Variants in RTKN2 observed in about 807,000 individuals in gnomAD.
The protein encoded by RTKN2 is rhotekin-2.
RTKN2 carries 69 observed loss-of-function variants against 71.5 expected under a neutral mutation model. That is an observed-to-expected ratio of 0.96 (90% CI 0.79 to 1.18). The LOEUF (loss-of-function observed/expected upper bound fraction) is 1.18. Ranked by LOEUF, RTKN2 falls within the 50% of genes most tolerant of loss-of-function variation. The probability of loss-of-function intolerance (pLI) is 0.00; values close to 1 mark genes in which losing one functional copy is unlikely to be tolerated. For missense variants in RTKN2, 724 were observed against 719.7 expected (o/e 1.01, Z -0.07); for synonymous variants, 236 against 236.5 (o/e 1.00, Z 0.02).
chr10:62,265,183 A>G (rs1262651451), intron 1 of RTKN2, among the ~76,000 whole-genome samples: 7 of 152,202 alleles, frequency 4.6e-5, no homozygotes, highest in Admixed American at 3.3e-4. Context: ...GGTGTATCTA[A>G]CAGATACTAC....
intron 2 of RTKN2, among the ~76,000 whole-genome samples, chr10:62,254,427 G>C (rs1273468228): frequency 6.6e-6 from 1 of 152,134 alleles, no homozygotes; most frequent in Admixed American, 6.6e-5. Context: ...TTCCTGTATA[G>C]CATGCAGAAC....
At chr10:62,261,918 A>G (rs569987495) in intron 2 of RTKN2, among the ~76,000 whole-genome samples, 30 of 152,332 alleles carry the variant, frequency 2.0e-4, no homozygotes, top group Non-Finnish European at 1.5e-4. Context: ...GTTTTTATTT[A>G]AAATACACCA....
chr10:62,231,724 T>C (rs182357239), intron 6 of RTKN2, among the ~76,000 whole-genome samples: 4 of 152,268 alleles, frequency 2.6e-5, no homozygotes. Flanking sequence ...GTCTAAAAAA[T>C]GCACTCTTGT....
chr10:62,217,706 T>G (rs776469226), intron 8 of RTKN2, among the ~76,000 whole-genome samples: 21 of 152,196 alleles, frequency 1.4e-4, no homozygotes, highest in South Asian at 4.1e-4. Context: ...TTCCTCCTAA[T>G]GGAATCTTTT....
chr10:62,256,264 C>G (rs1438718251), intron 2 of RTKN2, among the ~76,000 whole-genome samples: 1 of 152,128 alleles, frequency 6.6e-6, no homozygotes, highest in Non-Finnish European at 1.5e-5. Context: ...CTACAGCCAT[C>G]CTCCCACCTC....
At chr10:62,211,623 T>G (rs1429522631) in intron 9 of RTKN2, among the ~76,000 whole-genome samples, 1 of 152,182 alleles carries the variant, frequency 6.6e-6, no homozygotes, top group Non-Finnish European at 1.5e-5. Context: ...TTAAAGATCT[T>G]AGAGACCATT....
At chr10:62,203,513 T>G (rs1281899653) in intron 10 of RTKN2, among the ~76,000 whole-genome samples, 1 of 151,978 alleles carries the variant, frequency 6.6e-6, no homozygotes, top group African/African-American at 2.4e-5. Flanking sequence ...CCTGGCTAAT[T>G]TTTGTATTTT....
At chr10:62,231,584 T>C (rs1842148763) in intron 6 of RTKN2, among the ~76,000 whole-genome samples, 1 of 152,220 alleles carries the variant, frequency 6.6e-6, no homozygotes, top group Non-Finnish European at 1.5e-5. Context: ...TCATTCCTTT[T>C]AGCCAACCCT....
At chr10:62,201,946 T>A (rs1431098197) in intron 10 of RTKN2, among the ~76,000 whole-genome samples, 2 of 152,212 alleles carry the variant, frequency 1.3e-5, no homozygotes, top group African/African-American at 4.8e-5. Context: ...TAACAATTTA[T>A]ATATTGAAGA....
chr10:62,211,911 G>A (rs556626008), intron 9 of RTKN2, among the ~76,000 whole-genome samples: 2 of 152,112 alleles, frequency 1.3e-5, no homozygotes, highest in East Asian at 1.9e-4. Context: ...TGATCCGCCC[G>A]TGCTGACCTC....
chr10:62,263,309 G>A (rs1419253262), intron 1 of RTKN2, among the ~76,000 whole-genome samples: 1 of 152,098 alleles, frequency 6.6e-6, no homozygotes. Flanking sequence ...ATGTCTATAA[G>A]CCAAAAAAAT....
At chr10:62,190,420 A>C (rs1038921647), downstream of RTKN2, among the ~76,000 whole-genome samples, 3 of 152,160 alleles carry the variant, frequency 2.0e-5, no homozygotes, top group Non-Finnish European at 2.9e-5. Flanking sequence ...GGGGATTGTT[A>C]AAATACTACC....
chr10:62,262,592 C>T (rs1400615408), intron 2 of RTKN2, 33 bp downstream of exon 2: 2 of 1,396,984 alleles, frequency 1.4e-6, no homozygotes, highest in Non-Finnish European at 2.0e-6. Context: ...TATTTAAGTA[C>T]ATTAAAAGCC....
intron 2 of RTKN2, among the ~76,000 whole-genome samples, chr10:62,248,917 G>A (rs992989363): frequency 1.3e-5 from 2 of 152,126 alleles, no homozygotes; most frequent in Non-Finnish European, 2.9e-5. Flanking sequence ...CTAAATGGGA[G>A]TCTATTATTT....
chr10:62,262,487 T>C (rs1842790588), intron 2 of RTKN2, 138 bp downstream of exon 2: 2 of 571,644 alleles, frequency 3.5e-6, no homozygotes, highest in South Asian at 2.8e-5. Context: ...CTGTTTATGA[T>C]GTCAGCTGCT....
At chr10:62,255,941 G>A (rs1038167010) in intron 2 of RTKN2, among the ~76,000 whole-genome samples, 4 of 151,804 alleles carry the variant, frequency 2.6e-5, no homozygotes, top group Non-Finnish European at 5.9e-5. Flanking sequence ...ATGAGAAAAG[G>A]TTCAATGATA....
chr10:62,195,096 A>G lies in RTKN2; in HGVS notation c.*2812T>C. Reference sequence around the variant, plus strand: ...TACCACTTAGTAGCAATTAAAAATAATACTATCTTAATGCTGACTACGTAA... The same window carrying G: ...TACCACTTAGTAGCAATTAAAAATAGTACTATCTTAATGCTGACTACGTAA... On this transcript the variant is annotated 3_prime_UTR_variant, in exon 12 of 12. Coordinates refer to ENST00000373789, the MANE Select transcript of RTKN2 (RefSeq NM_145307.4). 1 of 982,320 alleles carries G rather than the reference A, an allele frequency of 1.0e-6. No homozygotes were observed. Among genetic ancestry groups the G allele is most frequent in the Non-Finnish European group, 1.2e-6 (1 of 827,102 alleles). 60.9% of individuals were successfully genotyped at this position (982,320 alleles called of 1,614,324 possible).
chr10:62,236,516 T>C (rs1391837201), intron 5 of RTKN2, among the ~76,000 whole-genome samples: 1 of 151,998 alleles, frequency 6.6e-6, no homozygotes, highest in Non-Finnish European at 1.5e-5. Flanking sequence ...TGGAAAGCAG[T>C]ATAGAGGTTC....
At chr10:62,247,946 C>A (rs528458735) in intron 2 of RTKN2, among the ~76,000 whole-genome samples, 3 of 152,118 alleles carry the variant, frequency 2.0e-5, no homozygotes, top group Non-Finnish European at 4.4e-5. Context: ...ACAGATTATT[C>A]TAAAGTTGAG....
Sources: gnomAD v4.1 joint callset for allele counts (sites outside exome capture counted in the v4.1 genomes callset) on GRCh38, gnomAD v4.1.1 for gene constraint, MANE v1.5 for transcripts, NCBI Gene and HGNC (gene_info 2026-07-23, HGNC 2026-07-21) for gene names.